NKAIN2: variants seen among roughly 807,000 people sequenced by gnomAD.
NKAIN2 encodes sodium/potassium-transporting ATPase subunit beta-1-interacting protein 2.
In NKAIN2, 14 loss-of-function variants were observed where a neutral mutation model predicts 32.6. The ratio of observed to expected loss-of-function variants is 0.43; its 90% CI spans 0.28 to 0.67. The LOEUF (loss-of-function observed/expected upper bound fraction) is 0.67, where lower values mean the gene tolerates loss of function less well. Among genes scored for constraint, NKAIN2 ranks in the 30% least tolerant of loss-of-function variants. The pLI is 0.17. For missense variants in NKAIN2, 198 were observed against 258.3 expected (o/e 0.77, Z 1.60); for synonymous variants, 80 against 87.2 (o/e 0.92, Z 0.46).
chr6:124,450,975 T>A (rs1049857743), intron 3 of NKAIN2, among the ~76,000 whole-genome samples: 1 of 152,100 alleles, frequency 6.6e-6, no homozygotes, highest in Non-Finnish European at 1.5e-5. Context: ...AAGGACTATT[T>A]AACCCAGCTA....
At chr6:124,822,265 A>G (rs1039501972) in intron 6 of NKAIN2, among the ~76,000 whole-genome samples, 2 of 152,328 alleles carry the variant, frequency 1.3e-5, no homozygotes, top group Non-Finnish European at 1.5e-5. Flanking sequence ...TGAGAGGCAG[A>G]GAACTTAGCA....
intron 1 of NKAIN2, among the ~76,000 whole-genome samples, chr6:123,909,154 C>T (rs1775037349): frequency 6.6e-6 from 1 of 152,076 alleles, no homozygotes; most frequent in Non-Finnish European, 1.5e-5. Flanking sequence ...TCTAACCTGT[C>T]TCTGAGTCTT....
intron 1 of NKAIN2, among the ~76,000 whole-genome samples, chr6:124,027,601 C>A (rs1162593626): frequency 1.3e-5 from 2 of 152,156 alleles, no homozygotes; most frequent in Non-Finnish European, 1.5e-5. Flanking sequence ...ATCCTGTAGT[C>A]TCCTTCCTAC....
chr6:123,916,831 A>ATCTATCTT (rs1775525126), intron 1 of NKAIN2, among the ~76,000 whole-genome samples: 2 of 150,840 alleles, frequency 1.3e-5, no homozygotes, highest in South Asian at 4.2e-4. Flanking sequence ...CTATCTATTT[A>ATCTATCTT]TCTATCTATC....
At chr6:124,490,616 C>A (rs1334907799) in intron 3 of NKAIN2, among the ~76,000 whole-genome samples, 1 of 151,406 alleles carries the variant, frequency 6.6e-6, no homozygotes, top group African/African-American at 2.4e-5. Context: ...GTCATGTGAG[C>A]TAAAATGAAC....
At chr6:124,396,878 T>C (rs751954735) in intron 3 of NKAIN2, among the ~76,000 whole-genome samples, 1 of 152,234 alleles carries the variant, frequency 6.6e-6, no homozygotes, top group Non-Finnish European at 1.5e-5. Flanking sequence ...TTTTTAACTT[T>C]AATACAGGCA....
At position 124,250,631 on chromosome 6, in the gene NKAIN2, G is replaced by A. The variant is rs935309361; in HGVS notation, c.55-32374G>A. On this transcript the variant is annotated intron_variant, in intron 1 of 6. Coordinates refer to ENST00000368417, the MANE Select transcript of NKAIN2 (RefSeq NM_001040214.3). The stretch of plus-strand genomic sequence containing the variant: ...TTGCTAGCATTTGGTCAAAATGAAA[G>A]TCTTTTAAAGAAGTGAGAGAATTAT... Among the ~76,000 whole-genome samples, 18 of 152,066 alleles carry A rather than the reference G, an allele frequency of 1.2e-4. 1 individual carries two copies. The East Asian group carries it at 3.3e-3, about 28-fold the overall frequency.
chr6:123,873,507 C>T (rs867120707), intron 1 of NKAIN2, among the ~76,000 whole-genome samples: 4 of 152,220 alleles, frequency 2.6e-5, no homozygotes, highest in South Asian at 2.1e-4. Flanking sequence ...AGTGCACTGA[C>T]GTGATCTTTA....
chr6:124,642,323 A>G (rs1220461707), intron 3 of NKAIN2, among the ~76,000 whole-genome samples: 1 of 152,180 alleles, frequency 6.6e-6, no homozygotes, highest in Admixed American at 6.5e-5. Flanking sequence ...ACTGCTTTTC[A>G]TATGCTACCA....
At chr6:124,318,826 T>C (rs9491119) in intron 2 of NKAIN2, among the ~76,000 whole-genome samples, 18,881 of 151,992 alleles carry the variant, frequency 0.12, 1,402 homozygotes, top group East Asian at 0.24. Context: ...AGGCCAACCA[T>C]TGCCTCTCAT....
intron 1 of NKAIN2, among the ~76,000 whole-genome samples, chr6:123,945,371 T>G (rs1777017164): frequency 6.6e-6 from 1 of 152,120 alleles, no homozygotes; most frequent in East Asian, 1.9e-4. Context: ...GCTTTCAATT[T>G]GTCATGTCAG....
At chr6:124,275,371 G>A (rs1295690823) in intron 1 of NKAIN2, among the ~76,000 whole-genome samples, 1 of 152,110 alleles carries the variant, frequency 6.6e-6, no homozygotes, top group African/African-American at 2.4e-5. Context: ...TGATATTTCA[G>A]TAATACAAAT....
intron 3 of NKAIN2, among the ~76,000 whole-genome samples, chr6:124,418,565 T>C (rs1443356602): frequency 2.0e-5 from 3 of 148,068 alleles, no homozygotes; most frequent in African/African-American, 7.4e-5. Flanking sequence ...ATATAAAATA[T>C]ATATATAATA....
intron 1 of NKAIN2, among the ~76,000 whole-genome samples, chr6:124,275,276 G>A (rs995166049): frequency 2.6e-5 from 4 of 152,024 alleles, no homozygotes; most frequent in African/African-American, 9.7e-5. Context: ...TGACTTCTAT[G>A]GGGGCTTTTA....
intron 4 of NKAIN2, among the ~76,000 whole-genome samples, chr6:124,682,268 T>C (rs1773659323): frequency 6.6e-6 from 1 of 152,112 alleles, no homozygotes; most frequent in African/African-American, 2.4e-5. Context: ...AACTACCAAA[T>C]TTTAATGACT....
chr6:123,883,236 C>CT (rs1218523228), intron 1 of NKAIN2, among the ~76,000 whole-genome samples: 5 of 152,196 alleles, frequency 3.3e-5, no homozygotes, highest in Admixed American at 6.5e-5. Context: ...GCTCCGCCTC[C>CT]TGGGTTCATG....
intron 1 of NKAIN2, among the ~76,000 whole-genome samples, chr6:124,201,760 A>G (rs1790602794): frequency 6.6e-6 from 1 of 152,008 alleles, no homozygotes; most frequent in African/African-American, 2.4e-5. Context: ...ATGAAAGAAA[A>G]GTTATCAAAT....
chr6:124,314,730 C>T (rs1274677887), intron 2 of NKAIN2, among the ~76,000 whole-genome samples: 1 of 152,132 alleles, frequency 6.6e-6, no homozygotes, highest in Admixed American at 6.6e-5. Flanking sequence ...GGGCAATGCC[C>T]AGTGAGACTG....
intron 1 of NKAIN2, among the ~76,000 whole-genome samples, chr6:124,125,101 T>C (rs1428240626): frequency 1.3e-5 from 2 of 152,226 alleles, no homozygotes; most frequent in Non-Finnish European, 2.9e-5. Context: ...AGTCTAAATA[T>C]TTTTAAATAA....
Sources: gnomAD v4.1 joint callset for allele counts (sites outside exome capture counted in the v4.1 genomes callset) on GRCh38, gnomAD v4.1.1 for gene constraint, MANE v1.5 for transcripts, NCBI Gene and HGNC (gene_info 2026-07-23, HGNC 2026-07-21) for gene names.